Variants in ZNF536 observed in about 807,000 individuals in gnomAD.
ZNF536 encodes zinc finger protein 536.
A neutral mutation model predicts 84.5 loss-of-function variants in ZNF536; 13 were observed. That is an observed-to-expected ratio of 0.15 (90% CI 0.10 to 0.24). ZNF536 has a LOEUF of 0.24. ZNF536 is among the 10% of genes least tolerant of loss of function. The pLI, the probability that ZNF536 is intolerant of heterozygous loss-of-function variation, is 1.00. For missense variants in ZNF536, 1,536 were observed against 1,747.5 expected, an observed-to-expected ratio of 0.88 and a Z score of 2.16; for synonymous variants, 811 against 742.5, an observed-to-expected ratio of 1.09 and a Z score of -1.50.
chr19:30,533,591 C>A (rs942529483), intron 2 of ZNF536, among the ~76,000 whole-genome samples: 1 of 151,948 alleles, frequency 6.6e-6, no homozygotes, highest in Non-Finnish European at 1.5e-5. Flanking sequence ...CCGCTTTTGG[C>A]TGTTAGCAGA....
At chr19:30,328,585 A>G (rs778009943) in intron 2 of ZNF536, among the ~76,000 whole-genome samples, 9 of 152,226 alleles carry the variant, frequency 5.9e-5, no homozygotes, top group Non-Finnish European at 1.0e-4. Context: ...TAATCACTCA[A>G]GTTCCATTGG....
chr19:30,591,810 G>A (rs955205378), intron 1 of ZNF536, among the ~76,000 whole-genome samples: 8 of 152,144 alleles, frequency 5.3e-5, no homozygotes, highest in Non-Finnish European at 1.0e-4. Context: ...TTGGAGAGGG[G>A]CACCACCCTT....
chr19:30,247,681 T>A (rs952477579), intron 1 of ZNF536, among the ~76,000 whole-genome samples: 6 of 151,992 alleles, frequency 3.9e-5, no homozygotes, highest in Admixed American at 2.6e-4. Flanking sequence ...TTAAAAAAAA[T>A]TAGCTGGTGT....
intron 3 of ZNF536, among the ~76,000 whole-genome samples, chr19:30,353,519 A>ATGAGCAGCCCCCCCC (rs1249783321): frequency 6.6e-6 from 1 of 151,892 alleles, no homozygotes; most frequent in East Asian, 1.9e-4. Context: ...CCATCAGTGG[A>ATGAGCAGCCCCCCCC]TGAGCAGCCC....
chr19:30,709,867 T>A (rs571064820), intron 1 of ZNF536, among the ~76,000 whole-genome samples: 1 of 152,218 alleles, frequency 6.6e-6, no homozygotes. Context: ...CTGACTTGCC[T>A]CAGCCTCCCA....
chr19:30,271,999 A>G (rs2025881447), intron 1 of ZNF536, among the ~76,000 whole-genome samples: 1 of 152,226 alleles, frequency 6.6e-6, no homozygotes, highest in Admixed American at 6.5e-5. Flanking sequence ...CTTCTTGAAG[A>G]GCTGCCCAAG....
chr19:30,654,702 G>T (rs907098569), intron 1 of ZNF536, among the ~76,000 whole-genome samples: 1 of 152,048 alleles, frequency 6.6e-6, no homozygotes, highest in African/African-American at 2.4e-5. Context: ...ACTGACTGAG[G>T]CTTGTTTTTT....
At chr19:30,514,430 C>T (rs1363504328) in intron 2 of ZNF536, among the ~76,000 whole-genome samples, 1 of 152,030 alleles carries the variant, frequency 6.6e-6, no homozygotes, top group African/African-American at 2.4e-5. Flanking sequence ...GAAGCCAGAA[C>T]CCCTGGGTCC....
Position 30,393,599 on chromosome 19 carries a change from G to A in ZNF536, c.-3+21043G>A, listed in dbSNP as rs373983429. On this transcript the variant is annotated intron_variant, in intron 1 of 4. Coordinates refer to ENST00000355537, the MANE Select transcript of ZNF536 (RefSeq NM_014717.3). ...CCTCTGGTCCTAGGCTAGGGGCAGC[G>A]TCACATTCTCAGGCAGGGGTTACAT... is the stretch of plus-strand genomic sequence containing the variant. Among the ~76,000 whole-genome samples, 94 of 152,296 alleles carry A rather than the reference G, an allele frequency of 6.2e-4. 2 individuals carry two copies. The South Asian group carries it at 0.018, about 29-fold the overall frequency.
At chr19:30,550,388 G>T (rs2045727327) in intron 4 of ZNF536, among the ~76,000 whole-genome samples, 1 of 152,164 alleles carries the variant, frequency 6.6e-6, no homozygotes, top group Non-Finnish European at 1.5e-5. Context: ...CATTGTCTTG[G>T]CACCCTGATA....
intron 1 of ZNF536, among the ~76,000 whole-genome samples, chr19:30,424,116 A>G (rs2051108348): frequency 6.6e-6 from 1 of 152,202 alleles, no homozygotes; most frequent in Non-Finnish European, 1.5e-5. Flanking sequence ...TTTCTGGGCC[A>G]CAGGACCTGG....
intron 1 of ZNF536, among the ~76,000 whole-genome samples, chr19:30,632,751 G>A (rs373361482): frequency 1.3e-5 from 2 of 152,290 alleles, no homozygotes; most frequent in East Asian, 3.9e-4. Flanking sequence ...ATTGTGACAA[G>A]CAGTTTGATG....
At chr19:30,696,141 A>T (rs1402095042) in intron 1 of ZNF536, among the ~76,000 whole-genome samples, 1 of 152,240 alleles carries the variant, frequency 6.6e-6, no homozygotes, top group Admixed American at 6.5e-5. Flanking sequence ...ATTTTTGCTA[A>T]AGCTGTTAAC....
chr19:30,497,662 G>A lies in ZNF536; in HGVS notation c.2171-37185G>A, dbSNP rs60754744. ...AAGGGGGTGCCCCAGGGAAGTCCCCGGATCCTGAATTCTTCGGAACTGTTG... is the reference window on the plus strand; with the variant it reads ...AAGGGGGTGCCCCAGGGAAGTCCCCAGATCCTGAATTCTTCGGAACTGTTG... On this transcript the variant is annotated intron_variant, in intron 2 of 4. Transcript: ENST00000355537. Among the ~76,000 whole-genome samples the A allele has an allele frequency of 2.2e-3, 328 of 152,242 alleles. 2 individuals carry two copies. The highest frequency in any genetic ancestry group is 7.5e-3 in the African/African-American group (310 of 41,540).
intron 1 of ZNF536, among the ~76,000 whole-genome samples, chr19:30,567,434 T>A (rs2046395546): frequency 6.6e-6 from 1 of 152,198 alleles, no homozygotes; most frequent in South Asian, 2.1e-4. Flanking sequence ...AAAGTCGCAG[T>A]GATAACCCTG....
intron 1 of ZNF536, among the ~76,000 whole-genome samples, chr19:30,706,060 T>C (rs571490263): frequency 2.4e-4 from 37 of 152,296 alleles, no homozygotes; most frequent in African/African-American, 8.9e-4. Flanking sequence ...ATATCTGAGG[T>C]CCACATTTTA....
chr19:30,448,184 A>G (rs2052439553), intron 2 of ZNF536, among the ~76,000 whole-genome samples: 1 of 152,112 alleles, frequency 6.6e-6, no homozygotes, highest in African/African-American at 2.4e-5. Context: ...CTTCATATTC[A>G]AATTAGACCC....
In ZNF536 at chr19:30,445,559, T is replaced by G. The variant is rs767056595; in HGVS notation, c.1997T>G (p.Val666Gly). The G allele has an allele frequency of 3.1e-6, 5 of 1,613,364 alleles. No homozygotes were observed. In the East Asian group the frequency reaches 6.7e-5, roughly 22 times the overall value. Residue 666 changes from valine (V) to glycine (G), a missense_variant, in exon 2 of 5, where the codon GTG (valine) becomes GGG (glycine). Physicochemically the swap from Val to Gly is moderately radical, Grantham distance 109 (BLOSUM62 -3). Transcript: ENST00000355537. The surrounding 1 kb of genome is among the most constrained non-coding windows in gnomAD (Gnocchi z 4.5). ...DRKGEEDGLHVGLDERRGSGS... is the reference protein window; with the variant it reads ...DRKGEEDGLHGGLDERRGSGS... ...AAGGGCGAGGAGGATGGGCTGCACG[T>G]GGGCCTGGATGAGCGGCGTGGCTCG...
intron 2 of ZNF536, among the ~76,000 whole-genome samples, chr19:30,515,932 C>T (rs368780547): frequency 6.8e-6 from 1 of 146,020 alleles, no homozygotes; most frequent in African/African-American, 2.6e-5. Context: ...GGGGCTGAGG[C>T]AGGAGAATCG....
Sources: gnomAD v4.1 joint callset for allele counts (sites outside exome capture counted in the v4.1 genomes callset) on GRCh38, gnomAD v4.1.1 for gene constraint, Gnocchi (gnomAD v3.1) non-coding constraint, MANE v1.5 for transcripts, NCBI Gene and HGNC (gene_info 2026-07-23, HGNC 2026-07-21) for gene names.